The following CTTNBP2NL variants were observed in gnomAD, a reference collection of about 807,000 sequenced individuals.
CTTNBP2NL encodes the protein CTTNBP2 N-terminal-like protein.
CTTNBP2NL carries 16 observed loss-of-function variants against 32.5 expected under a neutral mutation model. That is an observed-to-expected ratio of 0.49 (90% CI 0.33 to 0.75). CTTNBP2NL has a LOEUF of 0.75. Among genes scored for constraint, CTTNBP2NL ranks in the 30% least tolerant of loss-of-function variants. The pLI is 0.02. For synonymous variants in CTTNBP2NL, 298 were observed against 289.4 expected, an observed-to-expected ratio of 1.03 and a Z score of -0.30; for missense variants, 645 against 756.0, an observed-to-expected ratio of 0.85 and a Z score of 1.72.
rs1197210204 is a variant in CTTNBP2NL at position 112,457,567 on chromosome 1, G to A, written c.*155G>A. On this transcript the variant is annotated 3_prime_UTR_variant, in exon 6 of 6. Coordinates refer to ENST00000271277, the MANE Select transcript of CTTNBP2NL (RefSeq NM_018704.3). ...ATTTCACCATTTTGTATTTTTTTAA[G>A]TAGAAACTGAGTAGTTTGGATTTTT... The A allele has an allele frequency of 1.0e-5, 7 of 696,226 alleles. No individual in the cohort carries two copies. Among genetic ancestry groups the A allele is most frequent in the African/African-American group, 9.0e-5 (5 of 55,474 alleles). 43.1% of individuals were successfully genotyped at this position (696,226 alleles called of 1,614,324 possible). A position where few individuals can be genotyped will look rare whatever the true frequency, so the allele number is the denominator to read the frequency against.
chr1:112,457,557 ATT>A lies in CTTNBP2NL; in HGVS notation c.*151_*152del. The A allele has an allele frequency of 1.3e-6, 1 of 752,618 alleles. No individual in the cohort carries two copies. The highest frequency in any genetic ancestry group is 2.0e-6 in the Non-Finnish European group (1 of 494,110). The allele number at this position is 752,618 out of a possible 1,614,324, so 46.6% of individuals were successfully genotyped here. On this transcript the variant is annotated 3_prime_UTR_variant, in exon 6 of 6. Coordinates refer to ENST00000271277, the MANE Select transcript of CTTNBP2NL (RefSeq NM_018704.3). ...CATTTAGTATATTTCACCATTTTGT[ATT>A]TTTTTAAGTAGAAACTGAGTAGTTT... is the stretch of plus-strand genomic sequence containing the variant.
chr1:112,429,832 T>TA (rs1557891416), intron 3 of CTTNBP2NL, among the ~76,000 whole-genome samples: 1 of 152,138 alleles, frequency 6.6e-6, no homozygotes, highest in Non-Finnish European at 1.5e-5. Flanking sequence ...ACTAAATTCT[T>TA]AAAAAAAGGC....
chr1:112,422,016 G>A (rs922743750), intron 3 of CTTNBP2NL, among the ~76,000 whole-genome samples: 8 of 151,960 alleles, frequency 5.3e-5, no homozygotes, highest in African/African-American at 1.9e-4. Context: ...TATTTGATAT[G>A]TGCATACTGA....
At chr1:112,409,620 T>C (rs541941736) in intron 1 of CTTNBP2NL, among the ~76,000 whole-genome samples, 2 of 152,312 alleles carry the variant, frequency 1.3e-5, no homozygotes, top group African/African-American at 2.4e-5. Flanking sequence ...CCCTGCCCTG[T>C]CCTGCCCTGT....
chr1:112,429,805 A>T (rs1206245677), intron 3 of CTTNBP2NL, among the ~76,000 whole-genome samples: 2 of 152,166 alleles, frequency 1.3e-5, no homozygotes, highest in African/African-American at 2.4e-5. Flanking sequence ...TAAAGAAAGA[A>T]AGTCACAGAG....
intron 3 of CTTNBP2NL, among the ~76,000 whole-genome samples, chr1:112,441,506 AGCTTTATTGT>A (rs1441169786): frequency 1.3e-5 from 2 of 152,224 alleles, no homozygotes; most frequent in African/African-American, 2.4e-5. Flanking sequence ...CTGCTATAGC[AGCTTTATTGT>A]ATAAAACTCT....
At chr1:112,400,993 A>G in intron 1 of CTTNBP2NL, among the ~76,000 whole-genome samples, 1 of 148,832 alleles carries the variant, frequency 6.7e-6, no homozygotes, top group South Asian at 2.1e-4. Flanking sequence ...AAAAAAAAGG[A>G]TTACATGAAT....
At chr1:112,426,598 G>C (rs115199030) in intron 3 of CTTNBP2NL, among the ~76,000 whole-genome samples, 1 of 150,510 alleles carries the variant, frequency 6.6e-6, no homozygotes, top group Admixed American at 6.6e-5. Context: ...TTTTCCCTAC[G>C]GCAAAACTTT....
At chr1:112,454,419 T>G (rs1650308368) in intron 4 of CTTNBP2NL, 30 bp from the exon 5 acceptor site, 1 of 1,548,152 alleles carries the variant, frequency 6.5e-7, no homozygotes, top group African/African-American at 1.4e-5. Flanking sequence ...CCTTGATATT[T>G]GAAAATGAAA....
At chr1:112,430,916 C>G (rs1650333930) in intron 3 of CTTNBP2NL, among the ~76,000 whole-genome samples, 1 of 152,178 alleles carries the variant, frequency 6.6e-6, no homozygotes, top group African/African-American at 2.4e-5. Context: ...CTGGCATCAG[C>G]TGTTTGCTGT....
At chr1:112,436,429 C>T (rs574913750) in intron 3 of CTTNBP2NL, among the ~76,000 whole-genome samples, 54 of 152,236 alleles carry the variant, frequency 3.5e-4, no homozygotes, top group African/African-American at 1.3e-3. Flanking sequence ...ATGGTGTTGC[C>T]ATCCTTCAGA....
chr1:112,413,224 T>C lies in CTTNBP2NL; in HGVS notation c.-10+907T>C, dbSNP rs148490911. ...ATATGTACCTCTTATTTTTATTTTA[T>C]TAGAATCTAACAAATAATACTTGGT... On this transcript the variant is annotated intron_variant, in intron 2 of 5. Transcript: ENST00000271277. Among the ~76,000 whole-genome samples, 283 of 152,338 alleles carry C rather than the reference T, an allele frequency of 1.9e-3. 1 individual carries two copies. The highest frequency in any genetic ancestry group is 6.7e-3 in the African/African-American group (277 of 41,576).
At chr1:112,437,322 T>C (rs1050072133) in intron 3 of CTTNBP2NL, among the ~76,000 whole-genome samples, 1 of 152,212 alleles carries the variant, frequency 6.6e-6, no homozygotes, top group Non-Finnish European at 1.5e-5. Flanking sequence ...TAATAGCCAT[T>C]CTGACTGGTA....
chr1:112,404,096 G>A (rs1648585474), intron 1 of CTTNBP2NL, among the ~76,000 whole-genome samples: 1 of 152,186 alleles, frequency 6.6e-6, no homozygotes, highest in Admixed American at 6.5e-5. Flanking sequence ...AAGTTCAAAG[G>A]TTAAATGGAT....
Position 112,421,892 on chromosome 1 carries a change from C to G in CTTNBP2NL, c.99+5628C>G, listed in dbSNP as rs538190769. Among the ~76,000 whole-genome samples the G allele has an allele frequency of 2.0e-5, 3 of 152,174 alleles. No homozygotes were observed. The East Asian group carries it at 5.8e-4, about 29-fold the overall frequency. On this transcript the variant is annotated intron_variant, in intron 3 of 5. Coordinates refer to ENST00000271277, the MANE Select transcript of CTTNBP2NL (RefSeq NM_018704.3). Reference sequence around the variant, plus strand: ...AGGAAATACAGGGATAATGCAGAAGCCTTCGTAGCAGATTTTTTTTCATTG... The same window carrying G: ...AGGAAATACAGGGATAATGCAGAAGGCTTCGTAGCAGATTTTTTTTCATTG...
intron 3 of CTTNBP2NL, among the ~76,000 whole-genome samples, chr1:112,444,205 C>A (rs1649972672): frequency 6.6e-6 from 1 of 152,148 alleles, no homozygotes; most frequent in African/African-American, 2.4e-5. Context: ...ATTAAATGAG[C>A]CTTAATTCTT....
At chr1:112,429,814 A>T (rs1320740460) in intron 3 of CTTNBP2NL, among the ~76,000 whole-genome samples, 1 of 152,244 alleles carries the variant, frequency 6.6e-6, no homozygotes, top group Admixed American at 6.5e-5. Flanking sequence ...AAAGTCACAG[A>T]GCACTGTACT....
At chr1:112,424,512 G>A (rs111691680) in intron 3 of CTTNBP2NL, among the ~76,000 whole-genome samples, 6 of 152,112 alleles carry the variant, frequency 3.9e-5, no homozygotes, top group African/African-American at 1.2e-4. Context: ...ATGGTCCTTC[G>A]CATTTCCATA....
intron 4 of CTTNBP2NL, 112 bp from the exon 5 acceptor site, chr1:112,454,337 T>C (rs1650306766): frequency 2.8e-6 from 2 of 721,178 alleles, no homozygotes; most frequent in Admixed American, 2.6e-5. Flanking sequence ...ATTCGTTTGT[T>C]TGTTTGATCT....
Sources: gnomAD v4.1 joint callset for allele counts (sites outside exome capture counted in the v4.1 genomes callset) on GRCh38, gnomAD v4.1.1 for gene constraint, MANE v1.5 for transcripts, NCBI Gene and HGNC (gene_info 2026-07-23, HGNC 2026-07-21) for gene names.